The following WWOX variants were observed in gnomAD, a reference collection of about 807,000 sequenced individuals.
WWOX encodes the protein WW domain-containing oxidoreductase.
WWOX carries 69 observed loss-of-function variants against 46.2 expected under a neutral mutation model. The observed-to-expected ratio is 1.49, with a 90% CI of 1.23 to 1.82. WWOX has a LOEUF of 1.82. Among genes scored for constraint, WWOX ranks in the 40% most tolerant of loss-of-function variants. The pLI, the probability that WWOX is intolerant of heterozygous loss-of-function variation, is 0.00. For synonymous variants in WWOX, 359 were observed against 202.6 expected (o/e 1.77, Z -6.56); for missense variants, 919 against 542.6 (o/e 1.69, Z -6.89).
At chr16:78,142,619 G>C (rs888038981) in intron 4 of WWOX, among the ~76,000 whole-genome samples, 2 of 152,074 alleles carry the variant, frequency 1.3e-5, no homozygotes, top group African/African-American at 4.8e-5. Flanking sequence ...CATGATTGTG[G>C]GTGAATAACT....
rs113743429 is a variant in WWOX, at chr16:78,414,200, G to T, written c.606-10670G>T. ...ATTTTCCACTACCCACCCAAATCCT[G>T]TAAAACTGCCCTACACCTATTTCCC... On this transcript the variant is annotated intron_variant, in intron 6 of 8. Transcript: ENST00000566780. Among the ~76,000 whole-genome samples, 3 of 151,672 alleles carry T rather than the reference G, an allele frequency of 2.0e-5. No homozygotes were observed. The East Asian group carries it at 5.8e-4, about 30-fold the overall frequency.
intron 8 of WWOX, among the ~76,000 whole-genome samples, chr16:78,794,691 T>A (rs937692117): frequency 6.6e-6 from 1 of 152,234 alleles, no homozygotes; most frequent in Admixed American, 6.5e-5. Flanking sequence ...GCAGCTGTTA[T>A]CTTTGTCATT....
chr16:78,288,773 C>T (rs1257157163), intron 5 of WWOX, among the ~76,000 whole-genome samples: 1 of 152,122 alleles, frequency 6.6e-6, no homozygotes, highest in Non-Finnish European at 1.5e-5. Flanking sequence ...AATTTATAGG[C>T]CCAGTCAGCG....
At chr16:78,112,496 T>G (rs975714887) in intron 3 of WWOX, among the ~76,000 whole-genome samples, 4 of 152,052 alleles carry the variant, frequency 2.6e-5, no homozygotes, top group Non-Finnish European at 5.9e-5. Context: ...AAAGCTTGCT[T>G]GAGAGAAGTC....
chr16:78,426,591 C>T (rs906740056), intron 7 of WWOX, among the ~76,000 whole-genome samples: 6 of 152,190 alleles, frequency 3.9e-5, no homozygotes, highest in Admixed American at 6.5e-5. Context: ...AATGTGTTGT[C>T]AGGCTTGCTC....
At chr16:78,587,552 C>G (rs1015014477) in intron 8 of WWOX, among the ~76,000 whole-genome samples, 1 of 152,130 alleles carries the variant, frequency 6.6e-6, no homozygotes, top group East Asian at 1.9e-4. Flanking sequence ...TCCTGAGATT[C>G]GCTCACTGCC....
intron 8 of WWOX, among the ~76,000 whole-genome samples, chr16:79,049,409 T>C (rs2150525688): frequency 6.6e-6 from 1 of 152,298 alleles, no homozygotes; most frequent in South Asian, 2.1e-4. Flanking sequence ...CTGGCAGTTG[T>C]AGGACGCAAA....
At chr16:78,769,360 C>T (rs1347831982) in intron 8 of WWOX, among the ~76,000 whole-genome samples, 1 of 152,100 alleles carries the variant, frequency 6.6e-6, no homozygotes, top group Non-Finnish European at 1.5e-5. Flanking sequence ...CTTGCTCCGC[C>T]CCCTCTCTTC....
At chr16:78,753,817 AAAAAAAAAATATATATAT>A (rs1229628755) in intron 8 of WWOX, among the ~76,000 whole-genome samples, 1 of 76,972 alleles carries the variant, frequency 1.3e-5, no homozygotes, top group African/African-American at 4.7e-5. Context: ...AAAAAAAAAA[AAAAAAAAAATATATATAT>A]ATATATATAT....
Position 79,212,248 on chromosome 16 carries a change from A to G in WWOX, c.*452A>G, listed in dbSNP as rs2051789452. On this transcript the variant is annotated 3_prime_UTR_variant, in exon 9 of 9. Coordinates refer to ENST00000566780, the MANE Select transcript of WWOX (RefSeq NM_016373.4). Reference sequence around the variant, plus strand: ...TCACTGCTCCTTGCTGCATTGATCCAGGAGATAATTGTTTCATTCATCCTG... The same window carrying G: ...TCACTGCTCCTTGCTGCATTGATCCGGGAGATAATTGTTTCATTCATCCTG... 2 of 1,336,508 alleles carry G rather than the reference A, an allele frequency of 1.5e-6. No homozygotes were observed. Among genetic ancestry groups the G allele is most frequent in the Non-Finnish European group, 2.0e-6 (2 of 1,010,796 alleles). The allele number at this position is 1,336,508 out of a possible 1,614,324, so 82.8% of individuals were successfully genotyped here. A position where few individuals can be genotyped will look rare whatever the true frequency, so the allele number is the denominator to read the frequency against.
intron 8 of WWOX, among the ~76,000 whole-genome samples, chr16:79,154,341 T>C (rs896947929): frequency 4.6e-5 from 7 of 152,198 alleles, no homozygotes; most frequent in Admixed American, 2.6e-4. Context: ...AGATTGCCTG[T>C]CCTAGACACC....
chr16:78,620,926 C>T (rs1463780012), intron 8 of WWOX, among the ~76,000 whole-genome samples: 1 of 152,118 alleles, frequency 6.6e-6, no homozygotes. Flanking sequence ...AATTCACTTA[C>T]CCAGATTGTG....
intron 8 of WWOX, among the ~76,000 whole-genome samples, chr16:78,595,234 T>G (rs912735802): frequency 7.2e-5 from 11 of 152,136 alleles, no homozygotes; most frequent in South Asian, 6.2e-4. Flanking sequence ...TGCCAGCAGG[T>G]TTAGCAGTCG....
intron 5 of WWOX, among the ~76,000 whole-genome samples, chr16:78,379,860 G>A (rs2081916037): frequency 6.6e-6 from 1 of 152,202 alleles, no homozygotes; most frequent in South Asian, 2.1e-4. Flanking sequence ...GCCTTGAGAT[G>A]TTTTTTCTCC....
chr16:79,193,248 C>G (rs976723085), intron 8 of WWOX, among the ~76,000 whole-genome samples: 1 of 152,198 alleles, frequency 6.6e-6, no homozygotes, highest in Non-Finnish European at 1.5e-5. Flanking sequence ...GTTGCTTACC[C>G]TTGGGGGCCC....
At chr16:78,976,934 A>G (rs1008359567) in intron 8 of WWOX, among the ~76,000 whole-genome samples, 1 of 152,172 alleles carries the variant, frequency 6.6e-6, no homozygotes, top group Non-Finnish European at 1.5e-5. Context: ...ATCAGAAAGG[A>G]AGTAACTGGC....
intron 8 of WWOX, among the ~76,000 whole-genome samples, chr16:79,015,314 C>G (rs1429889219): frequency 6.6e-6 from 1 of 152,168 alleles, no homozygotes; most frequent in East Asian, 1.9e-4. Context: ...TTGAGATGAA[C>G]AGAATTCCAG....
intron 8 of WWOX, among the ~76,000 whole-genome samples, chr16:78,934,711 C>T (rs75012729): frequency 4.9e-4 from 74 of 152,168 alleles, no homozygotes; most frequent in African/African-American, 1.7e-3. Flanking sequence ...TCTTATTTGA[C>T]AGTGGGGCCA....
At chr16:79,002,170 CATT>C (rs2047106032) in intron 8 of WWOX, among the ~76,000 whole-genome samples, 1 of 145,222 alleles carries the variant, frequency 6.9e-6, no homozygotes, top group Non-Finnish European at 1.5e-5. Context: ...ACTCCTAACA[CATT>C]ATTTGTTATC....
Sources: gnomAD v4.1 joint callset for allele counts (sites outside exome capture counted in the v4.1 genomes callset) on GRCh38, gnomAD v4.1.1 for gene constraint, MANE v1.5 for transcripts, NCBI Gene and HGNC (gene_info 2026-07-23, HGNC 2026-07-21) for gene names.